Variants in TSGA10 observed in about 807,000 individuals in gnomAD.
TSGA10 encodes the protein testis specific 10, also known as testis-specific gene 10 protein.
TSGA10 carries 43 observed loss-of-function variants against 96.6 expected under a neutral mutation model. The observed-to-expected ratio is 0.44, with a 90% CI of 0.35 to 0.57. The LOEUF (loss-of-function observed/expected upper bound fraction) is 0.57. Ranked by LOEUF, TSGA10 falls within the 20% of genes least tolerant of loss-of-function variation. TSGA10 has a pLI of 0.01. For missense variants in TSGA10, 703 were observed against 834.4 expected (o/e 0.84, Z 1.94); for synonymous variants, 229 against 269.9 (o/e 0.85, Z 1.48).
intron 5 of TSGA10, among the ~76,000 whole-genome samples, chr2:99,110,171 A>C (rs890544297): frequency 6.6e-6 from 1 of 152,226 alleles, no homozygotes; most frequent in Non-Finnish European, 1.5e-5. Flanking sequence ...TCTCAAAAGA[A>C]GAAAAACACA....
chr2:99,145,181 A>G (rs1408713273), intron 1 of TSGA10, among the ~76,000 whole-genome samples: 3 of 152,096 alleles, frequency 2.0e-5, no homozygotes, highest in Non-Finnish European at 4.4e-5. Flanking sequence ...ATCCCAGTCT[A>G]TATTCAACGC....
chr2:99,138,829 G>C (rs1226466972), intron 1 of TSGA10, among the ~76,000 whole-genome samples: 1 of 152,150 alleles, frequency 6.6e-6, no homozygotes, highest in Admixed American at 6.5e-5. Flanking sequence ...TGGACTCCAG[G>C]TGAAGAAGCC....
At chr2:99,077,866 C>T (rs1030712282) in intron 12 of TSGA10, among the ~76,000 whole-genome samples, 2 of 151,932 alleles carry the variant, frequency 1.3e-5, no homozygotes, top group African/African-American at 2.4e-5. Flanking sequence ...CCGGCCTGCA[C>T]GCGGCCGGCA....
intron 1 of TSGA10, among the ~76,000 whole-genome samples, chr2:99,132,300 A>C (rs2093129546): frequency 6.6e-6 from 1 of 151,848 alleles, no homozygotes; most frequent in Admixed American, 6.6e-5. Flanking sequence ...CCTCAATTTC[A>C]GAACTTGTTA....
chr2:99,011,683 A>AGTGT (rs1403027322), intron 20 of TSGA10, among the ~76,000 whole-genome samples: 1 of 152,002 alleles, frequency 6.6e-6, no homozygotes, highest in Non-Finnish European at 1.5e-5. Flanking sequence ...TGTGTGTGCA[A>AGTGT]GTGTGTGTGT....
intron 10 of TSGA10, among the ~76,000 whole-genome samples, chr2:99,098,119 T>C (rs2090266270): frequency 6.6e-6 from 1 of 151,906 alleles, no homozygotes. Flanking sequence ...TGAGGATAAT[T>C]TAAAGCTTTA....
At chr2:99,032,056 A>C (rs1355646799) in intron 17 of TSGA10, among the ~76,000 whole-genome samples, 6 of 152,166 alleles carry the variant, frequency 3.9e-5, no homozygotes, top group Admixed American at 3.3e-4. Context: ...ATCTGGTAGT[A>C]GGCTTTATAG....
At chr2:99,074,482 T>C (rs1482627933) in intron 12 of TSGA10, among the ~76,000 whole-genome samples, 1 of 148,408 alleles carries the variant, frequency 6.7e-6, no homozygotes, top group Non-Finnish European at 1.5e-5. Context: ...CAGTAATAGA[T>C]ACTGGTGTGT....
intron 16 of TSGA10, among the ~76,000 whole-genome samples, chr2:99,054,291 A>C (rs1156687873): frequency 2.6e-5 from 4 of 152,214 alleles, no homozygotes; most frequent in African/African-American, 7.2e-5. Flanking sequence ...CGATCTCTGC[A>C]AATGATAATG....
chr2:99,063,633 T>C (rs534484668), intron 16 of TSGA10, among the ~76,000 whole-genome samples: 112 of 151,646 alleles, frequency 7.4e-4, no homozygotes, highest in Middle Eastern at 3.4e-3. Context: ...TGAAACCCCA[T>C]CTCTACTAAA....
intron 16 of TSGA10, among the ~76,000 whole-genome samples, chr2:99,060,594 T>C (rs533303265): frequency 2.0e-5 from 3 of 152,116 alleles, no homozygotes; most frequent in Non-Finnish European, 2.9e-5. Context: ...AATGATATGC[T>C]CATTCTAAAT....
At chr2:99,115,887 C>A (rs2092225749) in intron 4 of TSGA10, among the ~76,000 whole-genome samples, 2 of 151,986 alleles carry the variant, frequency 1.3e-5, no homozygotes, top group Non-Finnish European at 1.5e-5. Flanking sequence ...TCAACAACAA[C>A]AAAAAAGTTC....
intron 2 of TSGA10, among the ~76,000 whole-genome samples, chr2:99,124,305 G>T (rs913629848): frequency 6.6e-6 from 1 of 152,006 alleles, no homozygotes; most frequent in Non-Finnish European, 1.5e-5. Flanking sequence ...GCCCATTTTT[G>T]AATTAGATTT....
intron 20 of TSGA10, among the ~76,000 whole-genome samples, chr2:99,003,834 C>G (rs1463213622): frequency 6.6e-6 from 1 of 151,880 alleles, no homozygotes; most frequent in African/African-American, 2.4e-5. Flanking sequence ...ATTAAATGCC[C>G]ACAAGAGAAA....
intron 16 of TSGA10, among the ~76,000 whole-genome samples, chr2:99,049,113 T>C (rs28866538): frequency 0.083 from 12,677 of 152,092 alleles, 882 homozygotes; most frequent in East Asian, 0.21. Flanking sequence ...GAAATAAGAA[T>C]GCTTTTACAC....
intron 14 of TSGA10, among the ~76,000 whole-genome samples, chr2:99,070,327 G>A (rs947832572): frequency 6.6e-6 from 1 of 151,970 alleles, no homozygotes; most frequent in East Asian, 1.9e-4. Flanking sequence ...TGGTTTATAT[G>A]ATCACACACG....
intron 10 of TSGA10, among the ~76,000 whole-genome samples, chr2:99,084,770 C>G (rs1349999381): frequency 1.3e-5 from 2 of 151,816 alleles, no homozygotes; most frequent in Admixed American, 1.3e-4. Flanking sequence ...TCCCATCCCC[C>G]CATACCATGA....
chr2:99,011,617 CT>C (rs1457405143), intron 20 of TSGA10, among the ~76,000 whole-genome samples: 1 of 152,048 alleles, frequency 6.6e-6, no homozygotes, highest in Non-Finnish European at 1.5e-5. Flanking sequence ...TGAGGAAAGC[CT>C]CCCTGACCTT....
chr2:99,120,508 T>C (rs1041663739), intron 2 of TSGA10, among the ~76,000 whole-genome samples: 3 of 152,302 alleles, frequency 2.0e-5, no homozygotes, highest in African/African-American at 7.2e-5. Flanking sequence ...AGGGACAGAA[T>C]GCCTAGAATT....
Sources: allele counts gnomAD v4.1 joint callset (sites outside exome capture counted in the v4.1 genomes callset), GRCh38; gene constraint gnomAD v4.1.1; transcripts MANE v1.5; gene names NCBI Gene and HGNC (gene_info 2026-07-23, HGNC 2026-07-21).